Variants in WBP1L observed in about 807,000 individuals in gnomAD.
WBP1L encodes the protein WW domain binding protein 1 like.
Under a neutral mutation model 33.7 loss-of-function variants are expected in WBP1L, and 17 were observed. The ratio of observed to expected loss-of-function variants is 0.50; its 90% CI spans 0.34 to 0.76. The LOEUF (loss-of-function observed/expected upper bound fraction) is 0.76. WBP1L is among the 30% of genes least tolerant of loss of function. WBP1L has a pLI of 0.01. For missense variants in WBP1L, 389 were observed against 469.4 expected (o/e 0.83, Z 1.58); for synonymous variants, 173 against 190.8 (o/e 0.91, Z 0.77).
rs1843890196 is a variant in WBP1L, at chr10:102,813,997, C to T, written c.*666C>T. ...CTTCCCCGCAGGCTCTGGCTGGCCG[C>T]AGGCTGGTTCTGGTGTGAAAGGTTA... is the stretch of plus-strand genomic sequence containing the variant. On this transcript the variant is annotated 3_prime_UTR_variant, in exon 4 of 4. Coordinates refer to ENST00000448841, the MANE Select transcript of WBP1L (RefSeq NM_001083913.2). The T allele has an allele frequency of 6.6e-6, 1 of 152,306 alleles. No homozygotes were observed. Among genetic ancestry groups the T allele is most frequent in the Non-Finnish European group, 1.5e-5 (1 of 68,114 alleles). 9.4% of individuals were successfully genotyped at this position (152,306 alleles called of 1,614,324 possible).
intron 3 of WBP1L, among the ~76,000 whole-genome samples, chr10:102,811,798 A>G (rs1683296142): frequency 6.6e-6 from 1 of 152,254 alleles, no homozygotes; most frequent in African/African-American, 2.4e-5. Context: ...GGCGTAAGCC[A>G]CTGTGACCCA....
At chr10:102,765,712 A>G (rs1484715931) in intron 1 of WBP1L, among the ~76,000 whole-genome samples, 2 of 152,224 alleles carry the variant, frequency 1.3e-5, no homozygotes, top group Non-Finnish European at 2.9e-5. Flanking sequence ...AGAAATATCT[A>G]AAACATAAAG....
In WBP1L at chr10:102,812,828, G is replaced by T; in HGVS notation, c.589G>T (p.Asp197Tyr). The change falls in exon 4 of 4, where the codon GAC becomes TAC. Residue 197 changes from aspartate to tyrosine, a missense_variant. Asp to Tyr is a radical substitution (Grantham distance 160). Transcript: ENST00000448841. ...CAGCACAAGACCCCCAAGCATCGCT[G>T]ACCCTGATCCCTCTGACCTACCAGT... ...RSSTRPPSIA[D>Y]PDPSDLPVDR... is the part of the protein sequence containing the mutation. The T allele has an allele frequency of 6.3e-7, 1 of 1,591,086 alleles. No homozygotes were observed. Among genetic ancestry groups the T allele is most frequent in the Non-Finnish European group, 8.6e-7 (1 of 1,167,794 alleles).
chr10:102,755,181 T>TCA (rs1842961459), intron 1 of WBP1L, among the ~76,000 whole-genome samples: 1 of 151,886 alleles, frequency 6.6e-6, no homozygotes, highest in Non-Finnish European at 1.5e-5. Context: ...ACCCCTGACC[T>TCA]TGTGATCCAC....
intron 1 of WBP1L, among the ~76,000 whole-genome samples, chr10:102,775,879 T>C (rs1288435063): frequency 6.6e-6 from 1 of 152,218 alleles, no homozygotes; most frequent in African/African-American, 2.4e-5. Flanking sequence ...TCAGTCCTTA[T>C]TCAGAGCAGT....
rs558250717 is a variant in WBP1L at position 102,812,683 on chromosome 10, A to G, written c.444A>G (p.Leu148=). 60 of 1,613,664 alleles carry G rather than the reference A, an allele frequency of 3.7e-5. 1 individual carries two copies. Among genetic ancestry groups the G allele is most frequent in the Non-Finnish European group, 5.0e-5 (59 of 1,179,884 alleles). ...CCCCACCATACAGTGCCTTCCAGCT[A>G]CAGCAGCAGCAGCTGCTGCCTCCAC... ...TPPPPYSAFQ[L]QQQQLLPPQC... Residue 148 remains leucine (L), a synonymous_variant, in exon 4 of 4, where the codon CTA becomes CTG. Coordinates refer to ENST00000448841, the MANE Select transcript of WBP1L (RefSeq NM_001083913.2).
At chr10:102,801,342 T>C (rs956707847) in intron 2 of WBP1L, among the ~76,000 whole-genome samples, 2 of 152,204 alleles carry the variant, frequency 1.3e-5, no homozygotes, top group African/African-American at 4.8e-5. Context: ...TCTTGAACTT[T>C]AGCAGGCATC....
chr10:102,777,023 T>C, intron 1 of WBP1L, among the ~76,000 whole-genome samples: 1 of 152,180 alleles, frequency 6.6e-6, no homozygotes, highest in Non-Finnish European at 1.5e-5. Flanking sequence ...AGAGACTTGA[T>C]TGCTCGGTGA....
intron 1 of WBP1L, among the ~76,000 whole-genome samples, chr10:102,753,863 T>C (rs1171969331): frequency 6.6e-6 from 1 of 152,250 alleles, no homozygotes; most frequent in Non-Finnish European, 1.5e-5. Context: ...TCTGTTTTGA[T>C]TTTTAAATAT....
chr10:102,801,676 G>A (rs1843658346), intron 2 of WBP1L, among the ~76,000 whole-genome samples: 1 of 152,024 alleles, frequency 6.6e-6, no homozygotes, highest in African/African-American at 2.4e-5. Context: ...GAGATCATTT[G>A]GGAGAATTTC....
At chr10:102,771,538 G>A (rs1425117778) in intron 1 of WBP1L, among the ~76,000 whole-genome samples, 1 of 146,928 alleles carries the variant, frequency 6.8e-6, no homozygotes. Context: ...AATTTAAAAA[G>A]TTAATCTGAG....
intron 1 of WBP1L, among the ~76,000 whole-genome samples, chr10:102,762,411 GTAAT>G (rs1226376817): frequency 6.6e-6 from 1 of 152,034 alleles, no homozygotes; most frequent in Non-Finnish European, 1.5e-5. Flanking sequence ...GTTTTCTTAA[GTAAT>G]TAGCCCTCAG....
chr10:102,751,546 G>A (rs1409015475), intron 1 of WBP1L, among the ~76,000 whole-genome samples: 1 of 152,162 alleles, frequency 6.6e-6, no homozygotes, highest in African/African-American at 2.4e-5. Context: ...GGGCACAAGC[G>A]ATCTGCTCGC....
At chr10:102,804,475 T>G (rs1250864594) in intron 2 of WBP1L, among the ~76,000 whole-genome samples, 1 of 151,540 alleles carries the variant, frequency 6.6e-6, no homozygotes, top group Non-Finnish European at 1.5e-5. Flanking sequence ...GGATCAAGGA[T>G]TCCTTTAAAA....
chr10:102,787,799 C>A (rs1216224568), intron 1 of WBP1L, among the ~76,000 whole-genome samples: 1 of 151,908 alleles, frequency 6.6e-6, no homozygotes, highest in African/African-American at 2.4e-5. Flanking sequence ...CAATAGTGGT[C>A]AGGCACGGTG....
chr10:102,805,898 A>T (rs1843726076), intron 2 of WBP1L, among the ~76,000 whole-genome samples: 1 of 150,846 alleles, frequency 6.6e-6, no homozygotes, highest in Admixed American at 6.6e-5. Context: ...CTTGTCTCTT[A>T]AAAATAAGTT....
chr10:102,813,374 G>T lies in WBP1L; in HGVS notation c.*43G>T. The T allele has an allele frequency of 2.6e-6, 4 of 1,556,494 alleles. No individual in the cohort carries two copies. The highest frequency in any genetic ancestry group is 3.5e-6 in the Non-Finnish European group (4 of 1,152,272). On this transcript the variant is annotated 3_prime_UTR_variant, in exon 4 of 4. Coordinates refer to ENST00000448841, the MANE Select transcript of WBP1L (RefSeq NM_001083913.2). ...CCCAGCAACTTGGCAAAGCAACCAGGGTAGGGGAGAACCACGAGAGAAGCA... is the reference window on the plus strand; with the variant it reads ...CCCAGCAACTTGGCAAAGCAACCAGTGTAGGGGAGAACCACGAGAGAAGCA...
At chr10:102,791,966 A>G (rs1843505163) in intron 1 of WBP1L, among the ~76,000 whole-genome samples, 1 of 152,242 alleles carries the variant, frequency 6.6e-6, no homozygotes, top group East Asian at 1.9e-4. Context: ...ACAGTGGCTC[A>G]GCTAAGAATA....
intron 2 of WBP1L, among the ~76,000 whole-genome samples, chr10:102,803,465 C>T (rs1228785499): frequency 6.6e-6 from 1 of 152,148 alleles, no homozygotes; most frequent in Non-Finnish European, 1.5e-5. Context: ...TTCCATTTTG[C>T]TTAGCATGAC....
Sources: gnomAD v4.1 joint callset for allele counts (sites outside exome capture counted in the v4.1 genomes callset) on GRCh38, gnomAD v4.1.1 for gene constraint, MANE v1.5 for transcripts, NCBI Gene and HGNC (gene_info 2026-07-23, HGNC 2026-07-21) for gene names.